WDR35: variants seen among roughly 807,000 people sequenced by gnomAD.
WDR35 encodes the protein WD repeat domain 35, also known as WD repeat-containing protein 35.
A neutral mutation model predicts 158.3 loss-of-function variants in WDR35; 118 were observed. The observed-to-expected ratio is 0.75, with a 90% confidence interval of 0.64 to 0.87. The LOEUF is 0.87. Among genes scored for constraint, WDR35 ranks in the 40% least tolerant of loss-of-function variants. The probability of loss-of-function intolerance (pLI) is 0.00; values close to 1 mark genes in which losing one functional copy is unlikely to be tolerated. For synonymous variants in WDR35, 448 were observed against 476.1 expected, an observed-to-expected ratio of 0.94 and a Z score of 0.77; for missense variants, 1,263 against 1,405.8, an observed-to-expected ratio of 0.90 and a Z score of 1.62.
intron 16 of WDR35, among the ~76,000 whole-genome samples, chr2:19,943,470 C>T (rs991862833): frequency 4.6e-5 from 7 of 152,010 alleles, no homozygotes; most frequent in African/African-American, 1.7e-4. Context: ...GTTATGTCAT[C>T]CAGTATAATT....
At chr2:19,980,628 C>A in intron 4 of WDR35, 63 bp downstream of exon 4, 1 of 1,382,068 alleles carries the variant, frequency 7.2e-7, no homozygotes, top group South Asian at 1.2e-5. Context: ...TTTACCCATC[C>A]AAATACTGTG....
intron 16 of WDR35, among the ~76,000 whole-genome samples, chr2:19,945,542 T>G (rs985895018): frequency 6.6e-6 from 1 of 152,130 alleles, no homozygotes; most frequent in African/African-American, 2.4e-5. Context: ...AAAGAACAGA[T>G]AAATAAATGC....
At chr2:19,927,593 G>C (rs1992167) in intron 25 of WDR35, among the ~76,000 whole-genome samples, 38,583 of 152,096 alleles carry the variant, frequency 0.25, 4,961 homozygotes, top group Non-Finnish European at 0.25. Context: ...GATATGGCCC[G>C]CTCTAGGAGC....
At chr2:19,926,907 C>A (rs1670372341) in intron 25 of WDR35, among the ~76,000 whole-genome samples, 1 of 152,058 alleles carries the variant, frequency 6.6e-6, no homozygotes, top group East Asian at 1.9e-4. Flanking sequence ...TCGAGGACCC[C>A]CCCCACCCTG....
intron 20 of WDR35, among the ~76,000 whole-genome samples, 164 bp downstream of exon 20, chr2:19,936,055 C>T (rs1670682103): frequency 6.6e-6 from 1 of 152,188 alleles, no homozygotes; most frequent in Non-Finnish European, 1.5e-5. Context: ...GCTCATCTCA[C>T]AACTTCACAG....
chr2:19,910,321 AAG>A lies in WDR35; in HGVS notation c.*3235_*3236del, dbSNP rs759972295. 18 of 152,228 alleles carry A rather than the reference AAG, an allele frequency of 1.2e-4. No individual in the cohort carries two copies. Among genetic ancestry groups the A allele is most frequent in the Non-Finnish European group, 2.2e-4 (15 of 68,044 alleles). 9.4% of individuals were successfully genotyped at this position (152,228 alleles called of 1,614,324 possible). On this transcript the variant is annotated 3_prime_UTR_variant, in exon 27 of 27. Transcript: ENST00000281405. Reference sequence around the variant, plus strand: ...TTTCACTTAATACTACATAAAATCTAAGATCTCAGCTCTTGGAATACAGAAAA... The same window carrying A: ...TTTCACTTAATACTACATAAAATCTAATCTCAGCTCTTGGAATACAGAAAA...
At chr2:19,981,132 C>T (rs1672369443) in intron 3 of WDR35, among the ~76,000 whole-genome samples, 1 of 152,166 alleles carries the variant, frequency 6.6e-6, no homozygotes, top group African/African-American at 2.4e-5. Flanking sequence ...GACACCATAA[C>T]AAGTACTTGT....
chr2:19,924,037 C>T (rs1424831608), intron 25 of WDR35, among the ~76,000 whole-genome samples: 9 of 152,150 alleles, frequency 5.9e-5, no homozygotes, highest in African/African-American at 2.2e-4. Context: ...CGCCCAGGCC[C>T]AGCCTCAAAT....
intron 8 of WDR35, among the ~76,000 whole-genome samples, chr2:19,971,909 C>T (rs963139631): frequency 6.6e-6 from 1 of 152,292 alleles, no homozygotes; most frequent in East Asian, 1.9e-4. Flanking sequence ...TTTACAACAG[C>T]ACCATGACGT....
At chr2:19,933,739 G>A (rs900863638) in intron 21 of WDR35, among the ~76,000 whole-genome samples, 9 of 152,062 alleles carry the variant, frequency 5.9e-5, no homozygotes, top group East Asian at 1.9e-4. Context: ...GATTTTTAAC[G>A]AGGCCCTGAA....
chr2:19,931,983 C>T (rs1670540839), intron 23 of WDR35, among the ~76,000 whole-genome samples: 1 of 152,180 alleles, frequency 6.6e-6, no homozygotes, highest in African/African-American at 2.4e-5. Context: ...CTATTATCAA[C>T]AAAATTTAAT....
intron 9 of WDR35, 22 bp from the exon 10 acceptor site, chr2:19,966,931 A>T: frequency 6.2e-7 from 1 of 1,610,294 alleles, no homozygotes. Flanking sequence ...GGAAGGAGGA[A>T]AGGGAAGGAG....
At chr2:19,972,800 A>T (rs1672072068) in intron 8 of WDR35, among the ~76,000 whole-genome samples, 1 of 152,110 alleles carries the variant, frequency 6.6e-6, no homozygotes, top group South Asian at 2.1e-4. Context: ...TGGCGAATTT[A>T]TAAAAGCCAA....
chr2:19,914,387 C>G lies in WDR35; in HGVS notation c.3122-110G>C, dbSNP rs1328368334. 14 of 1,419,898 alleles carry G rather than the reference C, an allele frequency of 9.9e-6. No individual in the cohort carries two copies. In the East Asian group the frequency reaches 3.1e-4, roughly 31 times the overall value. 88.0% of individuals were successfully genotyped at this position (1,419,898 alleles called of 1,614,324 possible). On this transcript the variant is annotated intron_variant, in intron 25 of 26. Transcript: ENST00000281405. ...ATTTCATTGAACTTGCATGAACGAA[C>G]TGAAAGCAAACAGTGTTGAGAGATG... is the stretch of plus-strand genomic sequence containing the variant.
chr2:19,979,324 A>T (rs1240159328), intron 4 of WDR35, among the ~76,000 whole-genome samples: 2 of 152,206 alleles, frequency 1.3e-5, no homozygotes, highest in Non-Finnish European at 2.9e-5. Flanking sequence ...TCCAATGAAT[A>T]ATTACAAGCA....
Position 19,945,846 on chromosome 2 carries a change from A to T in WDR35, c.1785T>A (p.Pro595=). The change falls in exon 16 of 27, where the codon CCT becomes CCA. Residue 595 remains proline, a synonymous_variant. Coordinates refer to ENST00000281405, the MANE Select transcript of WDR35 (RefSeq NM_020779.4). Reference sequence around the variant, plus strand: ...TCTTCTCCATCATTGCAAACAAATCAGGATTATCTTTGGCCCACTTCATAT... The same window carrying T: ...TCTTCTCCATCATTGCAAACAAATCTGGATTATCTTTGGCCCACTTCATAT... ...VWDMKWAKDN[P]DLFAMMEKTR... is the part of the protein sequence containing the mutation. 1 of 1,614,024 alleles carries T rather than the reference A, an allele frequency of 6.2e-7. No individual in the cohort carries two copies. The highest frequency in any genetic ancestry group is 1.3e-5 in the African/African-American group (1 of 75,064).
intron 14 of WDR35, 91 bp from the exon 15 acceptor site, chr2:19,946,661 T>A: frequency 8.0e-7 from 1 of 1,250,022 alleles, no homozygotes; most frequent in Non-Finnish European, 1.2e-6. Flanking sequence ...ACATTTGTCT[T>A]AAAACCAAAG....
rs555530484 is a variant in WDR35 at position 19,965,293 on chromosome 2, G to A, written c.1194+1431C>T. 2.0e-5 allele frequency among the ~76,000 whole-genome samples: 3 copies of A among 152,264 alleles called. No homozygotes were observed. The East Asian group carries it at 5.8e-4, about 29-fold the overall frequency. Reference sequence around the variant, plus strand: ...TTCTTCCAAGTTCTTTTCCACTTGTGTTTAGATGGCTTTCTCAAATGTCTG... The same window carrying A: ...TTCTTCCAAGTTCTTTTCCACTTGTATTTAGATGGCTTTCTCAAATGTCTG... On this transcript the variant is annotated intron_variant, in intron 10 of 26. Transcript: ENST00000281405.
rs1212550940 is a variant in WDR35 at position 19,960,634 on chromosome 2, A to G, written c.1195-20T>C. 1 of 1,561,600 alleles carries G rather than the reference A, an allele frequency of 6.4e-7. No homozygotes were observed. Among genetic ancestry groups the G allele is most frequent in the Non-Finnish European group, 8.8e-7 (1 of 1,134,260 alleles). On this transcript the variant is annotated intron_variant, in intron 10 of 26. Transcript: ENST00000281405. ...TACAAACTGTGAACAAATAAAACAA[A>G]AAGTATCAGAACTCCTGCTTATGAA... is the stretch of plus-strand genomic sequence containing the variant.
Sources: allele counts gnomAD v4.1 joint callset (sites outside exome capture counted in the v4.1 genomes callset), GRCh38; gene constraint gnomAD v4.1.1; transcripts MANE v1.5; gene names NCBI Gene and HGNC (gene_info 2026-07-23, HGNC 2026-07-21).